SLC17A2: variants seen among roughly 807,000 people sequenced by gnomAD.
The protein encoded by SLC17A2 is sodium-dependent phosphate transport protein 3.
A neutral mutation model predicts 52.1 loss-of-function variants in SLC17A2; 38 were observed. The observed-to-expected ratio is 0.73, with a 90% CI of 0.56 to 0.96. The LOEUF (loss-of-function observed/expected upper bound fraction) is 0.96, where lower values mean the gene tolerates loss of function less well. Ranked by LOEUF, SLC17A2 falls within the 40% of genes least tolerant of loss-of-function variation. The pLI is 0.00. For missense variants in SLC17A2, 508 were observed against 583.9 expected, an observed-to-expected ratio of 0.87 and a Z score of 1.34; for synonymous variants, 226 against 211.9, an observed-to-expected ratio of 1.07 and a Z score of -0.58.
In SLC17A2 at chr6:25,914,198, T is replaced by C. The variant is rs969521720; in HGVS notation, c.1302+382A>G. On this transcript the variant is annotated intron_variant, in intron 11 of 11. Transcript: ENST00000377850. Reference sequence around the variant, plus strand: ...AGGACACTTTGTTTCCCTTTTGTGATTTTTTAAAAATTGGATTAGTCTGAA... The same window carrying C: ...AGGACACTTTGTTTCCCTTTTGTGACTTTTTAAAAATTGGATTAGTCTGAA... 2.0e-5 allele frequency among the ~76,000 whole-genome samples: 3 copies of C among 152,204 alleles called. No individual in the cohort carries two copies. The South Asian group carries it at 6.2e-4, about 32-fold the overall frequency.
chr6:25,925,332 C>T lies in SLC17A2; in HGVS notation c.28+437G>A, dbSNP rs540722856. ...ATCGAGACCATCCTGGCTAACACGG[C>T]GAAACTCCATCTCTACTAAAAATAC... On this transcript the variant is annotated intron_variant, in intron 2 of 11. Transcript: ENST00000377850. Among the ~76,000 whole-genome samples the T allele has an allele frequency of 1.6e-4, 24 of 151,942 alleles. No individual in the cohort carries two copies. In the East Asian group the frequency reaches 3.5e-3, roughly 22 times the overall value.
chr6:25,923,942 T>A (rs1215987365), intron 2 of SLC17A2, 36 bp from the exon 3 acceptor site: 1 of 1,508,514 alleles, frequency 6.6e-7, no homozygotes, highest in Admixed American at 1.7e-5. Context: ...GTGAGCATCC[T>A]GACTGAGACC....
At chr6:25,929,781 G>A (rs1268035352) in intron 1 of SLC17A2, among the ~76,000 whole-genome samples, 1 of 151,958 alleles carries the variant, frequency 6.6e-6, no homozygotes, top group African/African-American at 2.4e-5. Flanking sequence ...CATAACTTTG[G>A]TCATGTTCTC....
intron 2 of SLC17A2, among the ~76,000 whole-genome samples, chr6:25,924,701 C>G (rs938871688): frequency 1.3e-5 from 2 of 151,302 alleles, no homozygotes; most frequent in African/African-American, 2.4e-5. Context: ...CCCAGCTACT[C>G]GGGAGGCTGA....
chr6:25,916,860 T>C lies in SLC17A2; in HGVS notation c.769-14A>G, dbSNP rs1467265080. The C allele has an allele frequency of 5.0e-6, 8 of 1,613,912 alleles. No homozygotes were observed. The highest frequency in any genetic ancestry group is 6.8e-6 in the Non-Finnish European group (8 of 1,179,984). On this transcript the variant is annotated splice_polypyrimidine_tract_variant and intron_variant, in intron 7 of 11. Coordinates refer to ENST00000377850, the MANE Select transcript of SLC17A2 (RefSeq NM_001286123.3). ...AGGAGAACTGGGCTGAAAAGAAAGA[T>C]CTAATCAGCATGAGTATTAGAGCAG... is the stretch of plus-strand genomic sequence containing the variant.
In SLC17A2 at chr6:25,921,106, T is replaced by C. The variant is rs372512238; in HGVS notation, c.475-13A>G. The C allele has an allele frequency of 1.2e-6, 2 of 1,613,766 alleles. No homozygotes were observed. The highest frequency in any genetic ancestry group is 1.7e-6 in the Non-Finnish European group (2 of 1,179,838). ...TCCATGCCATTCCCTGAAATGAAAA[T>C]CATTAAGACCTTTGATATTTTGTAG... On this transcript the variant is annotated splice_polypyrimidine_tract_variant and intron_variant, in intron 4 of 11. Coordinates refer to ENST00000377850, the MANE Select transcript of SLC17A2 (RefSeq NM_001286123.3).
Position 25,913,325 on chromosome 6 carries a change from G to C in SLC17A2, c.1429C>G (p.Arg477Gly). 1 of 1,614,098 alleles carries C rather than the reference G, an allele frequency of 6.2e-7. No homozygotes were observed. The highest frequency in any genetic ancestry group is 8.5e-7 in the Non-Finnish European group (1 of 1,179,976). Reference sequence around the variant, plus strand: ...TTTGTAACTTTATGTCCTCAGAGGCGGGTAAGGGTCCTCTCTTTGGCCCAG... The same window carrying C: ...TTTGTAACTTTATGTCCTCAGAGGCCGGTAAGGGTCCTCTCTTTGGCCCAG... ...QDWAKERTLT[R>G]L Residue 477 changes from arginine to glycine, a missense_variant, in exon 12 of 12, where the codon CGC becomes GGC. Coordinates refer to ENST00000377850, the MANE Select transcript of SLC17A2 (RefSeq NM_001286123.3).
In SLC17A2 at chr6:25,925,763, C is replaced by T. The variant is rs1317691730; in HGVS notation, c.28+6G>A. 6.2e-7 allele frequency: 1 copy of T among 1,613,874 alleles called. No homozygotes were observed. The highest frequency in any genetic ancestry group is 1.1e-5 in the South Asian group (1 of 91,084). On this transcript the variant is annotated splice_donor_region_variant and intron_variant, in intron 2 of 11. Transcript: ENST00000377850. ...CATAGCCTGCAAACAAGAGCAGTGG[C>T]TTTACCTTTCCTGGTGGCAGGCTTC... is the stretch of plus-strand genomic sequence containing the variant.
intron 6 of SLC17A2, among the ~76,000 whole-genome samples, chr6:25,917,301 G>C (rs1423869119): frequency 6.6e-6 from 1 of 152,188 alleles, no homozygotes; most frequent in Non-Finnish European, 1.5e-5. Context: ...GCCACCATTT[G>C]TCAATGTCAG....
Position 25,930,379 on chromosome 6 carries a change from G to A in SLC17A2, c.-186C>T, listed in dbSNP as rs756202859. The stretch of plus-strand genomic sequence containing the variant: ...CATTGAATCAGTTATCTTTTTCAGA[G>A]AGTCTCTTCATTTTGGAATTAGGCA... On this transcript the variant is annotated 5_prime_UTR_variant, in exon 1 of 12. Transcript: ENST00000377850. 2.6e-5 allele frequency: 4 copies of A among 152,152 alleles called. No individual in the cohort carries two copies. The highest frequency in any genetic ancestry group is 5.9e-5 in the Non-Finnish European group (4 of 68,036). The allele number at this position is 152,152 out of a possible 1,614,324, so 9.4% of individuals were successfully genotyped here. A position where few individuals can be genotyped will look rare whatever the true frequency, so the allele number is the denominator to read the frequency against.
At chr6:25,917,757 T>G (rs1766383542) in intron 6 of SLC17A2, among the ~76,000 whole-genome samples, 1 of 152,246 alleles carries the variant, frequency 6.6e-6, no homozygotes, top group South Asian at 2.1e-4. Flanking sequence ...GAACATTCTA[T>G]GTTAAAAGAT....
chr6:25,925,922 T>TC (rs1448488240), intron 1 of SLC17A2, 43 bp from the exon 2 acceptor site: 2 of 1,044,884 alleles, frequency 1.9e-6, no homozygotes, highest in Non-Finnish European at 3.0e-6. Context: ...ACAAATAATT[T>TC]CCCCTTGTTA....
At position 25,921,393 on chromosome 6, in the gene SLC17A2, C is replaced by G. The variant is rs778150547; in HGVS notation, c.260G>C (p.Ser87Thr). ...FDTKASVYQW[S>T]PETQGIIFSS... ...AAAGATGATACCCTGAGTTTCTGGG[C>G]TCCATTGATACACAGAGGCCTGGGG... is the stretch of plus-strand genomic sequence containing the variant. Residue 87 changes from serine (S) to threonine (T), a missense_variant, in exon 4 of 12, where the codon AGC (serine) becomes ACC (threonine). Transcript: ENST00000377850. 2 of 1,613,520 alleles carry G rather than the reference C, an allele frequency of 1.2e-6. No individual in the cohort carries two copies. The highest frequency in any genetic ancestry group is 1.7e-6 in the Non-Finnish European group (2 of 1,179,476).
chr6:25,923,831 C>T lies in SLC17A2; in HGVS notation c.104G>A (p.Arg35His), dbSNP rs762220266. 6.2e-6 allele frequency: 10 copies of T among 1,614,198 alleles called. No homozygotes were observed. Among genetic ancestry groups the T allele is most frequent in the Admixed American group, 1.7e-5 (1 of 60,028 alleles). The change falls in exon 3 of 12, where the codon CGT (arginine) becomes CAT (histidine). Residue 35 changes from arginine (R) to histidine (H), a missense_variant. Arg to His is a conservative substitution (Grantham distance 29). Transcript: ENST00000377850. The part of the protein sequence containing the change: ...HFSNFTMITQ[R>H]VSLSIAIIAM... ...GATGATCGCAATGCTCAGACTCACA[C>T]GCTGCGTTATCATGGTGAAGTTTGA...
rs576431285 is a variant in SLC17A2, at chr6:25,913,202, A to G, written c.*115T>C. On this transcript the variant is annotated 3_prime_UTR_variant, in exon 12 of 12. Coordinates refer to ENST00000377850, the MANE Select transcript of SLC17A2 (RefSeq NM_001286123.3). ...TTATAAAGGCTCCCCAGGGAAGACT[A>G]ACACACAGCCAGAGTTAAGAACTGC... 13 of 1,135,050 alleles carry G rather than the reference A, an allele frequency of 1.1e-5. No individual in the cohort carries two copies. The African/African-American group carries it at 1.8e-4, about 16-fold the overall frequency. The allele number at this position is 1,135,050 out of a possible 1,614,324, so 70.3% of individuals were successfully genotyped here.
At position 25,916,803 on chromosome 6, in the gene SLC17A2, G is replaced by A. The variant is rs1490216411; in HGVS notation, c.812C>T (p.Thr271Ile). The A allele has an allele frequency of 1.2e-6, 2 of 1,614,140 alleles. No homozygotes were observed. The highest frequency in any genetic ancestry group is 1.7e-6 in the Non-Finnish European group (2 of 1,179,984). The change falls in exon 8 of 12, where the codon ACA becomes ATA. Residue 271 changes from threonine to isoleucine, a missense_variant. Coordinates refer to ENST00000377850, the MANE Select transcript of SLC17A2 (RefSeq NM_001286123.3). ...GAAAATGGCCCAAAGTGGTAGGCATGTGACCATCGCCTTTATGGGGACAGC... is the reference window on the plus strand; with the variant it reads ...GAAAATGGCCCAAAGTGGTAGGCATATGACCATCGCCTTTATGGGGACAGC... ...GRAVPIKAMV[T>I]CLPLWAIFLG...
rs1467586109 is a variant in SLC17A2, at chr6:25,915,546, G to GT, written c.1163dup (p.Asn388LysfsTer4). On this transcript the variant is annotated frameshift_variant, in exon 10 of 12. Transcript: ENST00000377850. LOFTEE classifies it high-confidence loss of function. ...TGATGATAAACCCTGAGTCACATAG[G>GT]TTACTGGTCCCAGGAATAAGTATCA... is the stretch of plus-strand genomic sequence containing the variant. 1.9e-6 allele frequency: 3 copies of GT among 1,579,050 alleles called. No homozygotes were observed. The highest frequency in any genetic ancestry group is 1.9e-5 in the Admixed American group (1 of 53,276).
intron 3 of SLC17A2, 22 bp downstream of exon 3, chr6:25,923,673 C>A: frequency 6.3e-7 from 1 of 1,584,608 alleles, no homozygotes; most frequent in Non-Finnish European, 8.7e-7. Context: ...CAACAAAGAG[C>A]CCTATTTTCC....
At position 25,925,848 on chromosome 6, in the gene SLC17A2, C is replaced by T. The variant is rs1317832588; in HGVS notation, c.-52G>A. On this transcript the variant is annotated 5_prime_UTR_variant, in exon 2 of 12. Transcript: ENST00000377850. The stretch of plus-strand genomic sequence containing the variant: ...GCTTTGTGGTGGAGTTTCCCTGTGC[C>T]CTGAATCTCTTTTACTACGACAGTC... The T allele has an allele frequency of 1.3e-6, 2 of 1,585,970 alleles. No homozygotes were observed. Among genetic ancestry groups the T allele is most frequent in the Non-Finnish European group, 1.7e-6 (2 of 1,154,320 alleles).
Sources: allele counts gnomAD v4.1 joint callset (sites outside exome capture counted in the v4.1 genomes callset), GRCh38; gene constraint gnomAD v4.1.1; transcripts MANE v1.5; gene names NCBI Gene and HGNC (gene_info 2026-07-23, HGNC 2026-07-21).